The following ARID4B variants were observed in gnomAD, a reference collection of about 807,000 sequenced individuals.
ARID4B encodes the protein AT-rich interaction domain 4B, also known as AT-rich interactive domain-containing protein 4B.
Under a neutral mutation model 147.5 loss-of-function variants are expected in ARID4B, and 26 were observed. The observed-to-expected ratio is 0.18, with a 90% CI of 0.13 to 0.24. ARID4B has a LOEUF of 0.24. ARID4B is among the 10% of genes least tolerant of loss of function. The probability of loss-of-function intolerance (pLI) is 1.00; values close to 1 mark genes in which losing one functional copy is unlikely to be tolerated. For missense variants in ARID4B, 1,179 were observed against 1,511.5 expected, an observed-to-expected ratio of 0.78 and a Z score of 3.65; for synonymous variants, 512 against 507.9, an observed-to-expected ratio of 1.01 and a Z score of -0.11.
chr1:235,315,710 T>C (rs1558308581), intron 2 of ARID4B, among the ~76,000 whole-genome samples: 1 of 152,328 alleles, frequency 6.6e-6, no homozygotes, highest in East Asian at 1.9e-4. Context: ...TGGAAAGACA[T>C]TAGTTACAGG....
At chr1:235,221,432 A>C in intron 14 of ARID4B, 133 bp downstream of exon 14, 3 of 565,144 alleles carry the variant, frequency 5.3e-6, no homozygotes, top group Non-Finnish European at 9.3e-6. Context: ...AGAAAATACT[A>C]TCATAGAATG....
intron 2 of ARID4B, among the ~76,000 whole-genome samples, chr1:235,283,895 C>T (rs1451464830): frequency 6.6e-6 from 1 of 152,048 alleles, no homozygotes; most frequent in African/African-American, 2.4e-5. Context: ...CCACCACACC[C>T]TGCTAATTTT....
At chr1:235,179,314 A>G (rs571111537) in intron 20 of ARID4B, among the ~76,000 whole-genome samples, 3 of 152,102 alleles carry the variant, frequency 2.0e-5, no homozygotes, top group Admixed American at 2.0e-4. Flanking sequence ...TAGGTGGATT[A>G]CCTGAGGTCA....
chr1:235,309,073 C>A (rs1447175623), intron 2 of ARID4B, among the ~76,000 whole-genome samples: 1 of 150,862 alleles, frequency 6.6e-6, no homozygotes, highest in East Asian at 2.0e-4. Flanking sequence ...AAGTGAGGAG[C>A]GTCTCTGCCC....
chr1:235,294,057 C>G (rs1254501524), intron 2 of ARID4B, among the ~76,000 whole-genome samples: 7 of 151,886 alleles, frequency 4.6e-5, no homozygotes, highest in African/African-American at 1.7e-4. Flanking sequence ...TTCCAGTTGC[C>G]TTCTATTGAC....
Position 235,234,481 on chromosome 1 carries a change from A to T in ARID4B, c.597T>A (p.Pro199=). 6.2e-7 allele frequency: 1 copy of T among 1,603,928 alleles called. No homozygotes were observed. ...ALWFPALVVC[P]DCSDEIAVKK... ...TTACAGCAATCTCATCACTACAATC[A>T]GGACAAACCACCTTTTAAGAAAAAG... The change falls in exon 9 of 24, where the codon CCT becomes CCA. Residue 199 remains proline, a synonymous_variant. Coordinates refer to ENST00000264183, the MANE Select transcript of ARID4B (RefSeq NM_016374.6).
At chr1:235,213,025 A>G (rs1666807825) in intron 17 of ARID4B, among the ~76,000 whole-genome samples, 1 of 152,344 alleles carries the variant, frequency 6.6e-6, no homozygotes, top group South Asian at 2.1e-4. Flanking sequence ...TTCTTAAAAG[A>G]TAACTGAATG....
At chr1:235,243,108 T>C (rs1013465577) in intron 7 of ARID4B, among the ~76,000 whole-genome samples, 3 of 152,178 alleles carry the variant, frequency 2.0e-5, no homozygotes, top group African/African-American at 7.2e-5. Context: ...TTTATTGATA[T>C]ATCTCAAGTA....
intron 2 of ARID4B, among the ~76,000 whole-genome samples, chr1:235,292,448 T>C (rs1244245388): frequency 6.6e-6 from 1 of 152,006 alleles, no homozygotes; most frequent in Non-Finnish European, 1.5e-5. Flanking sequence ...ACCCCATCTC[T>C]ACTAAAAATA....
chr1:235,204,447 A>C (rs1398808951), intron 17 of ARID4B, among the ~76,000 whole-genome samples: 2 of 152,260 alleles, frequency 1.3e-5, no homozygotes, highest in Non-Finnish European at 2.9e-5. Flanking sequence ...AGAATATAAC[A>C]GCAGAATGAC....
intron 2 of ARID4B, among the ~76,000 whole-genome samples, chr1:235,282,881 C>T (rs1300278439): frequency 3.9e-5 from 6 of 152,114 alleles, no homozygotes; most frequent in African/African-American, 4.8e-5. Context: ...ACCGGGTTCA[C>T]GCCATTCTCC....
intron 2 of ARID4B, among the ~76,000 whole-genome samples, chr1:235,270,644 G>A (rs16832521): frequency 6.6e-6 from 1 of 152,200 alleles, no homozygotes; most frequent in Non-Finnish European, 1.5e-5. Flanking sequence ...GAAATTGGGA[G>A]AGACATTATT....
In ARID4B at chr1:235,213,937, T is replaced by C. The variant is rs767037883; in HGVS notation, c.1673A>G (p.Asp558Gly). Residue 558 changes from aspartate (D) to glycine (G), a missense_variant, in exon 17 of 24, where the codon GAT (aspartate) becomes GGT (glycine). Physicochemically the swap from Asp to Gly is moderately conservative, Grantham distance 94. Transcript: ENST00000264183. ...AAACTCCTCTTCCTCATTGTTGTCA[T>C]CATCATCTTCATCCTCTTCTTCTTC... is the stretch of plus-strand genomic sequence containing the variant. The part of the protein sequence containing the change: ...EEEEEEDEDD[D>G]DNNEEEEFEC... The C allele has an allele frequency of 1.2e-6, 2 of 1,610,860 alleles. No individual in the cohort carries two copies. Among genetic ancestry groups the C allele is most frequent in the South Asian group, 2.2e-5 (2 of 91,022 alleles).
chr1:235,220,324 TTTC>T lies in ARID4B; in HGVS notation c.1382_1384del (p.Arg461del). The T allele has an allele frequency of 6.2e-7, 1 of 1,601,198 alleles. No individual in the cohort carries two copies. The highest frequency in any genetic ancestry group is 8.5e-7 in the Non-Finnish European group (1 of 1,175,328). On this transcript the variant is annotated inframe_deletion, in exon 15 of 24. Coordinates refer to ENST00000264183, the MANE Select transcript of ARID4B (RefSeq NM_016374.6). ...TACCAGAGAGGGCTTAATATTTTCT[TTTC>T]TTTCAATTTCATCCTCAATAGGCTT... is the stretch of plus-strand genomic sequence containing the variant.
Position 235,175,398 on chromosome 1 carries a change from T to C in ARID4B, c.3450A>G (p.Thr1150=). Residue 1150 remains threonine, a splice_region_variant and synonymous_variant, in exon 22 of 24, where the codon ACA becomes ACG. Transcript: ENST00000264183. ...VVNNKKKGKG[T]NSSDSEELSA... is the part of the protein sequence containing the mutation. Reference sequence around the variant, plus strand: ...AAAGTTCTTCACTATCACTACTATTTGCTGAAAGAGAAAGAAAAGATTTAA... The same window carrying C: ...AAAGTTCTTCACTATCACTACTATTCGCTGAAAGAGAAAGAAAAGATTTAA... The C allele has an allele frequency of 1.2e-6, 2 of 1,604,560 alleles. No homozygotes were observed. The highest frequency in any genetic ancestry group is 1.7e-6 in the Non-Finnish European group (2 of 1,174,016).
At chr1:235,227,830 ATTTTTTT>A (rs1166758894) in intron 11 of ARID4B, among the ~76,000 whole-genome samples, 2 of 125,318 alleles carry the variant, frequency 1.6e-5, no homozygotes, top group African/African-American at 6.3e-5. Context: ...CTTTTCTGCT[ATTTTTTT>A]TTTTTTTTTT....
chr1:235,326,303 A>G (rs970866513), intron 2 of ARID4B, among the ~76,000 whole-genome samples: 14 of 152,320 alleles, frequency 9.2e-5, no homozygotes, highest in Middle Eastern at 6.8e-3. Flanking sequence ...GAACCTGGCC[A>G]TCAGTTTTCC....
chr1:235,294,427 T>C (rs1368721313), intron 2 of ARID4B, among the ~76,000 whole-genome samples: 3 of 120,112 alleles, frequency 2.5e-5, no homozygotes, highest in Non-Finnish European at 5.2e-5. Context: ...ATTCTCCCGC[T>C]TGAACCCAGG....
chr1:235,215,535 G>GCA (rs1042965963), intron 16 of ARID4B, among the ~76,000 whole-genome samples: 9 of 138,330 alleles, frequency 6.5e-5, no homozygotes, highest in East Asian at 2.1e-4. Context: ...ATTACACCAT[G>GCA]CACACATATA....
Sources: allele counts gnomAD v4.1 joint callset (sites outside exome capture counted in the v4.1 genomes callset), GRCh38; gene constraint gnomAD v4.1.1; transcripts MANE v1.5; gene names NCBI Gene and HGNC (gene_info 2026-07-23, HGNC 2026-07-21).